RIT2: variants seen among roughly 807,000 people sequenced by gnomAD.
RIT2 encodes Ras like without CAAX 2.
In RIT2, 24 loss-of-function variants were observed where a neutral mutation model predicts 23.7. That is an observed-to-expected ratio of 1.01 (90% confidence interval 0.73 to 1.43). The LOEUF (loss-of-function observed/expected upper bound fraction) is 1.43. RIT2 is among the 40% of genes most tolerant of loss of function. The pLI, the probability that RIT2 is intolerant of heterozygous loss-of-function variation, is 0.00. For missense variants in RIT2, 236 were observed against 266.9 expected (o/e 0.88, Z 0.81); for synonymous variants, 107 against 91.1 (o/e 1.17, Z -0.99).
At chr18:43,073,029 A>G (rs1478487806) in intron 1 of RIT2, among the ~76,000 whole-genome samples, 1 of 152,172 alleles carries the variant, frequency 6.6e-6, no homozygotes, top group African/African-American at 2.4e-5. Context: ...GTCTGAATTT[A>G]AAAAGTGATC....
chr18:43,096,893 G>C (rs752430575), intron 1 of RIT2, among the ~76,000 whole-genome samples: 6 of 151,846 alleles, frequency 4.0e-5, no homozygotes, highest in Non-Finnish European at 5.9e-5. Flanking sequence ...CTTTGGGAAA[G>C]TACTATGCTA....
intron 4 of RIT2, among the ~76,000 whole-genome samples, chr18:42,876,319 A>G (rs985783114): frequency 5.9e-5 from 9 of 151,560 alleles, no homozygotes; most frequent in Admixed American, 2.6e-4. Flanking sequence ...ACATTCTGAA[A>G]CCAAACATCA....
intron 1 of RIT2, among the ~76,000 whole-genome samples, chr18:43,049,821 A>C (rs1348452833): frequency 6.6e-6 from 1 of 151,968 alleles, no homozygotes; most frequent in Non-Finnish European, 1.5e-5. Context: ...CTGCTAATTC[A>C]GTATAGATGG....
At chr18:42,773,596 G>T (rs4374259) in intron 4 of RIT2, among the ~76,000 whole-genome samples, 3,864 of 152,190 alleles carry the variant, frequency 0.025, 163 homozygotes, top group African/African-American at 0.086. Context: ...TGGGTGAGTA[G>T]TATCTAATAT....
At position 43,115,551 on chromosome 18, in the gene RIT2, G is replaced by T. The variant is rs2046429675; in HGVS notation, c.-32C>A. 1.3e-6 allele frequency: 2 copies of T among 1,599,952 alleles called. No homozygotes were observed. The highest frequency in any genetic ancestry group is 1.7e-6 in the Non-Finnish European group (2 of 1,176,106). The stretch of plus-strand genomic sequence containing the variant: ...CGAGGGACCGGAGGAAAAAAAGAAG[G>T]AGAAAGTCACCCGTGTCAGGTGCTT... On this transcript the variant is annotated 5_prime_UTR_variant, in exon 1 of 5. Transcript: ENST00000326695.
At chr18:42,806,120 TA>T in intron 4 of RIT2, among the ~76,000 whole-genome samples, 1 of 147,436 alleles carries the variant, frequency 6.8e-6, no homozygotes, top group African/African-American at 2.5e-5. Context: ...TATATATATA[TA>T]TATATATATT....
intron 4 of RIT2, among the ~76,000 whole-genome samples, chr18:42,821,188 C>T (rs181542193): frequency 1.6e-4 from 25 of 152,088 alleles, no homozygotes; most frequent in African/African-American, 1.4e-4. Flanking sequence ...CAATGAAAAA[C>T]GGACAAATAC....
chr18:42,944,038 C>A (rs1167283708), intron 3 of RIT2, among the ~76,000 whole-genome samples: 1 of 152,146 alleles, frequency 6.6e-6, no homozygotes, highest in Non-Finnish European at 1.5e-5. Context: ...GTTATCAACA[C>A]AACATTCAGA....
At chr18:42,817,682 C>T (rs1372993894) in intron 4 of RIT2, among the ~76,000 whole-genome samples, 1 of 151,890 alleles carries the variant, frequency 6.6e-6, no homozygotes, top group African/African-American at 2.4e-5. Context: ...GACTTTAGGG[C>T]CAATTAAATT....
At chr18:42,991,309 A>G (rs1259579063) in intron 2 of RIT2, among the ~76,000 whole-genome samples, 3 of 152,172 alleles carry the variant, frequency 2.0e-5, no homozygotes, top group Non-Finnish European at 2.9e-5. Context: ...TGGGAAGAAG[A>G]CAGAGTAGGC....
At chr18:42,964,971 A>C (rs1461207996) in intron 3 of RIT2, among the ~76,000 whole-genome samples, 1 of 148,160 alleles carries the variant, frequency 6.7e-6, no homozygotes, top group Admixed American at 6.7e-5. Flanking sequence ...TTGAGCAAAA[A>C]CAGTTGATTC....
At chr18:42,968,738 T>C (rs1480044124) in intron 3 of RIT2, among the ~76,000 whole-genome samples, 1 of 152,194 alleles carries the variant, frequency 6.6e-6, no homozygotes, top group Non-Finnish European at 1.5e-5. Flanking sequence ...TTCTAGAGTT[T>C]TTAAAAATGT....
intron 4 of RIT2, among the ~76,000 whole-genome samples, chr18:42,851,863 TAA>T (rs1907062612): frequency 6.6e-6 from 1 of 151,924 alleles, no homozygotes; most frequent in East Asian, 1.9e-4. Context: ...TAAAATAAAA[TAA>T]AAGACAGGTA....
intron 1 of RIT2, among the ~76,000 whole-genome samples, chr18:43,045,947 T>C (rs1317662979): frequency 6.6e-6 from 1 of 152,184 alleles, no homozygotes; most frequent in African/African-American, 2.4e-5. Context: ...GTAATAATGG[T>C]GATAATCTTT....
At chr18:43,072,224 G>A (rs1165344970) in intron 1 of RIT2, among the ~76,000 whole-genome samples, 1 of 152,052 alleles carries the variant, frequency 6.6e-6, no homozygotes, top group Non-Finnish European at 1.5e-5. Context: ...GACCTCAGGT[G>A]ATTCACCCAC....
intron 4 of RIT2, among the ~76,000 whole-genome samples, chr18:42,918,171 C>T (rs1413657524): frequency 3.9e-5 from 6 of 152,036 alleles, no homozygotes. Context: ...TGTGTATTCC[C>T]AGATTCTGAA....
chr18:43,058,402 G>A (rs1393574729), intron 1 of RIT2, among the ~76,000 whole-genome samples: 1 of 152,062 alleles, frequency 6.6e-6, no homozygotes, highest in Non-Finnish European at 1.5e-5. Context: ...AAGAAATGCA[G>A]ACACTAAAGA....
chr18:42,973,181 T>C (rs58982252), intron 3 of RIT2, among the ~76,000 whole-genome samples: 12,686 of 151,810 alleles, frequency 0.084, 764 homozygotes, highest in East Asian at 0.25. Context: ...TAGGGTTGTT[T>C]TATTCTTTTG....
chr18:42,849,321 T>C (rs1489236033), intron 4 of RIT2, among the ~76,000 whole-genome samples: 1 of 152,200 alleles, frequency 6.6e-6, no homozygotes, highest in Non-Finnish European at 1.5e-5. Context: ...TGTGCGCCAA[T>C]AGGAATACTT....
Sources: allele counts gnomAD v4.1 joint callset (sites outside exome capture counted in the v4.1 genomes callset), GRCh38; gene constraint gnomAD v4.1.1; transcripts MANE v1.5; gene names NCBI Gene and HGNC (gene_info 2026-07-23, HGNC 2026-07-21).